The following EYA4 variants were observed in gnomAD, a reference collection of about 807,000 sequenced individuals.
EYA4 encodes the protein EYA transcriptional coactivator and phosphatase 4, also known as protein phosphatase EYA4.
Under a neutral mutation model 87.9 loss-of-function variants are expected in EYA4, and 31 were observed. The ratio of observed to expected loss-of-function variants is 0.35; its 90% CI spans 0.27 to 0.48. The LOEUF is 0.48. Ranked by LOEUF, EYA4 falls within the 20% of genes least tolerant of loss-of-function variation. The probability of loss-of-function intolerance (pLI) is 0.99; values close to 1 mark genes in which losing one functional copy is unlikely to be tolerated. For synonymous variants in EYA4, 263 were observed against 270.6 expected, an observed-to-expected ratio of 0.97 and a Z score of 0.28; for missense variants, 678 against 761.4, an observed-to-expected ratio of 0.89 and a Z score of 1.29.
intron 2 of EYA4, among the ~76,000 whole-genome samples, chr6:133,330,685 G>C (rs1781872469): frequency 6.6e-6 from 1 of 151,726 alleles, no homozygotes; most frequent in African/African-American, 2.4e-5. Context: ...GAGTGGCACA[G>C]ATTTTGTTAT....
At chr6:133,452,198 T>C (rs1793513995) in intron 5 of EYA4, among the ~76,000 whole-genome samples, 1 of 152,164 alleles carries the variant, frequency 6.6e-6, no homozygotes, top group Non-Finnish European at 1.5e-5. Flanking sequence ...TGAAATTCTT[T>C]GTAGAAACTA....
intron 2 of EYA4, among the ~76,000 whole-genome samples, chr6:133,354,350 G>T (rs1448673740): frequency 1.3e-5 from 2 of 151,874 alleles, no homozygotes; most frequent in South Asian, 2.1e-4. Flanking sequence ...ATTATTATTG[G>T]ACATCATGGC....
At chr6:133,246,660 G>A (rs866339725) in intron 1 of EYA4, among the ~76,000 whole-genome samples, 2 of 152,052 alleles carry the variant, frequency 1.3e-5, no homozygotes, top group Non-Finnish European at 2.9e-5. Flanking sequence ...TTAAATAAAA[G>A]TGGTCACTGT....
chr6:133,356,843 C>G (rs1784088658), intron 2 of EYA4, among the ~76,000 whole-genome samples: 1 of 150,682 alleles, frequency 6.6e-6, no homozygotes, highest in Non-Finnish European at 1.5e-5. Context: ...CACTCTGTTG[C>G]CCAGGCTGGA....
intron 3 of EYA4, among the ~76,000 whole-genome samples, chr6:133,442,944 A>G (rs1792452461): frequency 6.6e-6 from 1 of 152,044 alleles, no homozygotes; most frequent in Admixed American, 6.5e-5. Flanking sequence ...TGATTTCCAC[A>G]TGTGAAATCA....
chr6:133,267,372 A>G (rs1039167800), intron 1 of EYA4, among the ~76,000 whole-genome samples: 7 of 151,232 alleles, frequency 4.6e-5, no homozygotes, highest in African/African-American at 1.7e-4. Context: ...ACAATCAACA[A>G]TGTTCACTTT....
At position 133,302,593 on chromosome 6, in the gene EYA4, A is replaced by G. The variant is rs539415931; in HGVS notation, c.33+27780A>G. 3.9e-4 allele frequency among the ~76,000 whole-genome samples: 59 copies of G among 152,322 alleles called. No individual in the cohort carries two copies. In the East Asian group the frequency reaches 7.3e-3, roughly 19 times the overall value. On this transcript the variant is annotated intron_variant, in intron 2 of 19. Transcript: ENST00000355286. ...GCTCTTAGCTTCTGCAATGAAGTTG[A>G]GACTTTTAAGAAAATATATACACAG... is the stretch of plus-strand genomic sequence containing the variant.
chr6:133,313,854 G>C (rs1780422964), intron 2 of EYA4, among the ~76,000 whole-genome samples: 1 of 151,798 alleles, frequency 6.6e-6, no homozygotes, highest in African/African-American at 2.4e-5. Context: ...AAATGTATAT[G>C]AATTATTTCT....
intron 2 of EYA4, among the ~76,000 whole-genome samples, chr6:133,380,365 T>G (rs984473691): frequency 6.6e-6 from 1 of 152,186 alleles, no homozygotes; most frequent in African/African-American, 2.4e-5. Context: ...CTGTTACTAC[T>G]TTGAGAATAA....
chr6:133,362,110 G>A (rs747412393), intron 2 of EYA4, among the ~76,000 whole-genome samples: 1 of 152,108 alleles, frequency 6.6e-6, no homozygotes, highest in East Asian at 1.9e-4. Flanking sequence ...GAAGGTGTGG[G>A]GTATGTAATA....
At chr6:133,448,000 G>A (rs1486324758) in intron 4 of EYA4, 111 bp from the exon 5 acceptor site, 11 of 764,506 alleles carry the variant, frequency 1.4e-5, no homozygotes, top group African/African-American at 1.4e-4. Flanking sequence ...GTCATACAGT[G>A]CAGTTATAAT....
At chr6:133,404,086 T>C (rs1157490880) in intron 3 of EYA4, among the ~76,000 whole-genome samples, 1 of 152,194 alleles carries the variant, frequency 6.6e-6, no homozygotes, top group Non-Finnish European at 1.5e-5. Context: ...AGTGCTAAGA[T>C]TACAGGCGTG....
intron 5 of EYA4, among the ~76,000 whole-genome samples, chr6:133,455,923 A>G (rs754585635): frequency 6.6e-6 from 1 of 152,170 alleles, no homozygotes; most frequent in Non-Finnish European, 1.5e-5. Flanking sequence ...ATAACATATT[A>G]AAATGAGTTT....
intron 2 of EYA4, among the ~76,000 whole-genome samples, chr6:133,306,799 T>G (rs996929299): frequency 5.3e-5 from 8 of 152,198 alleles, no homozygotes; most frequent in Non-Finnish European, 1.0e-4. Flanking sequence ...CACATAAATT[T>G]AAATCATAGA....
At chr6:133,343,798 A>G (rs934599827) in intron 2 of EYA4, among the ~76,000 whole-genome samples, 3 of 152,080 alleles carry the variant, frequency 2.0e-5, no homozygotes, top group African/African-American at 7.2e-5. Flanking sequence ...TATGTTTTTC[A>G]TAAATATTTA....
chr6:133,281,683 C>T (rs1297397696), intron 2 of EYA4, among the ~76,000 whole-genome samples: 1 of 152,028 alleles, frequency 6.6e-6, no homozygotes, highest in Non-Finnish European at 1.5e-5. Context: ...TATTGTGTGA[C>T]ACTGAGGTTT....
rs1368999073 is a variant in EYA4, at chr6:133,500,198, T to G, written c.1192-5908T>G. ...ACTCACTGCAGAGCTTTAGCATGAC[T>G]GATGCGTGGACCCACCTCAGATAAT... is the stretch of plus-strand genomic sequence containing the variant. On this transcript the variant is annotated intron_variant, in intron 13 of 19. Coordinates refer to ENST00000355286, the MANE Select transcript of EYA4 (RefSeq NM_004100.5). Among the ~76,000 whole-genome samples the G allele has an allele frequency of 2.0e-5, 3 of 151,912 alleles. No homozygotes were observed. In the East Asian group the frequency reaches 5.8e-4, roughly 29 times the overall value.
chr6:133,474,197 G>A (rs1245151816), intron 11 of EYA4, among the ~76,000 whole-genome samples: 1 of 151,944 alleles, frequency 6.6e-6, no homozygotes, highest in Non-Finnish European at 1.5e-5. Flanking sequence ...CTAGACTACA[G>A]CTACCAAGAA....
chr6:133,492,558 C>A (rs1797278021), intron 13 of EYA4, among the ~76,000 whole-genome samples: 1 of 152,126 alleles, frequency 6.6e-6, no homozygotes, highest in Non-Finnish European at 1.5e-5. Flanking sequence ...AACAAAGATG[C>A]CCACTGTCAC....
Sources: gnomAD v4.1 joint callset for allele counts (sites outside exome capture counted in the v4.1 genomes callset) on GRCh38, gnomAD v4.1.1 for gene constraint, MANE v1.5 for transcripts, NCBI Gene and HGNC (gene_info 2026-07-23, HGNC 2026-07-21) for gene names.